GPATCH1: variants seen among roughly 807,000 people sequenced by gnomAD.
GPATCH1 encodes G-patch domain containing 1, also known as G patch domain-containing protein 1.
A neutral mutation model predicts 114.9 loss-of-function variants in GPATCH1; 73 were observed. That is an observed-to-expected ratio of 0.64 (90% CI 0.53 to 0.77). The LOEUF is 0.77. GPATCH1 is among the 30% of genes least tolerant of loss of function. GPATCH1 has a pLI of 0.00. For synonymous variants in GPATCH1, 391 were observed against 428.4 expected, an observed-to-expected ratio of 0.91 and a Z score of 1.08; for missense variants, 1,058 against 1,144.3, an observed-to-expected ratio of 0.92 and a Z score of 1.09.
intron 17 of GPATCH1, among the ~76,000 whole-genome samples, chr19:33,119,785 C>T (rs554697482): frequency 1.7e-4 from 26 of 150,934 alleles, no homozygotes; most frequent in Middle Eastern, 3.4e-3. Flanking sequence ...TTTGGGAGGG[C>T]GAGGTGGGAG....
chr19:33,082,206 G>A (rs1972486063), intron 1 of GPATCH1, among the ~76,000 whole-genome samples: 2 of 152,104 alleles, frequency 1.3e-5, no homozygotes, highest in Admixed American at 1.3e-4. Flanking sequence ...GGAATGTGGG[G>A]GTGAGGGGCA....
chr19:33,126,761 C>T (rs1973046713), intron 19 of GPATCH1, 28 bp downstream of exon 19: 1 of 1,568,022 alleles, frequency 6.4e-7, no homozygotes, highest in Middle Eastern at 1.7e-4. Flanking sequence ...GAGGGTTTTT[C>T]AGAAACCTTT....
chr19:33,113,783 T>A lies in GPATCH1; in HGVS notation c.1909T>A (p.Leu637Ile). The change falls in exon 14 of 20, where the codon TTA becomes ATA. Residue 637 changes from leucine (L) to isoleucine (I), a missense_variant. Leu to Ile is a conservative substitution (Grantham distance 5, BLOSUM62 2). Transcript: ENST00000170564. ...AATTCCCAGTTCAACTTTAGTTGGC[T>A]TACCAAGAGTGAAGCGTGACAAGTA... is the stretch of plus-strand genomic sequence containing the variant. ...DPYPDSTLVGLPRVKRDKYSV... is the reference protein window; with the variant it reads ...DPYPDSTLVGIPRVKRDKYSV... The A allele has an allele frequency of 1.9e-6, 3 of 1,613,800 alleles. No individual in the cohort carries two copies. The highest frequency in any genetic ancestry group is 2.5e-6 in the Non-Finnish European group (3 of 1,179,796).
chr19:33,086,697 C>G lies in GPATCH1; in HGVS notation c.74-1437C>G, dbSNP rs140837432. Among the ~76,000 whole-genome samples the G allele has an allele frequency of 7.5e-3, 1,139 of 152,256 alleles. 14 individuals are homozygous for G. Among genetic ancestry groups the G allele is most frequent in the African/African-American group, 0.026 (1,082 of 41,556 alleles). On this transcript the variant is annotated intron_variant, in intron 1 of 19. Coordinates refer to ENST00000170564, the MANE Select transcript of GPATCH1 (RefSeq NM_018025.3). ...TCTCAAACTCCTGACCTCAGGTGAT[C>G]CACCCGCCTCAGCCTCTCAAAGTGC...
Position 33,109,717 on chromosome 19 carries a change from G to A in GPATCH1, c.1286G>A (p.Gly429Asp). ...TCTTCTAATTACTGTTTTTATTTAG[G>A]TTCAGCTACTTCAGTGTTAGAATTT... is the stretch of plus-strand genomic sequence containing the variant. ...AELLGETPIQ[G>D]SATSVLEFLS... is the part of the protein sequence containing the mutation. Residue 429 changes from glycine to aspartate, a missense_variant and splice_region_variant, in exon 11 of 20, where the codon GGT (glycine) becomes GAT (aspartate). Physicochemically the swap from Gly to Asp is moderately conservative, Grantham distance 94. Coordinates refer to ENST00000170564, the MANE Select transcript of GPATCH1 (RefSeq NM_018025.3). 6.4e-7 allele frequency: 1 copy of A among 1,551,284 alleles called. No individual in the cohort carries two copies. The highest frequency in any genetic ancestry group is 2.3e-5 in the East Asian group (1 of 43,962).
intron 12 of GPATCH1, 86 bp from the exon 13 acceptor site, chr19:33,112,400 G>A: frequency 6.7e-7 from 1 of 1,496,356 alleles, no homozygotes; most frequent in African/African-American, 1.4e-5. Flanking sequence ...CACAGTTCTA[G>A]AAGATTGCTT....
Position 33,114,410 on chromosome 19 carries a change from C to G in GPATCH1, c.2187C>G (p.Ser729=), listed in dbSNP as rs148807065. 1.3e-6 allele frequency: 2 copies of G among 1,592,630 alleles called. No individual in the cohort carries two copies. Among genetic ancestry groups the G allele is most frequent in the Non-Finnish European group, 1.7e-6 (2 of 1,173,832 alleles). Residue 729 remains serine (S), a synonymous_variant, in exon 15 of 20, where the codon TCC becomes TCG. Transcript: ENST00000170564. ...NKEEEHAPEL[S]ANQTVNKDVD... ...AGGAAGAGCATGCACCAGAATTATCCGCAAATCAGGTATTTGGGGCTTCCA... is the reference window on the plus strand; with the variant it reads ...AGGAAGAGCATGCACCAGAATTATCGGCAAATCAGGTATTTGGGGCTTCCA...
chr19:33,086,467 AT>A (rs564648444), intron 1 of GPATCH1, among the ~76,000 whole-genome samples: 2 of 151,570 alleles, frequency 1.3e-5, no homozygotes, highest in African/African-American at 2.4e-5. Context: ...AAGATGACAA[AT>A]TTTTTTTCTT....
rs1972658663 is a variant in GPATCH1 at position 33,096,334 on chromosome 19, T to C, written c.740T>C (p.Leu247Pro). The change falls in exon 7 of 20, where the codon CTG becomes CCG. Residue 247 changes from leucine to proline, a missense_variant. Leu to Pro is a moderately conservative substitution (Grantham distance 98). Around this residue, in one of 3 missense-constraint regions of GPATCH1, gnomAD observed 893 missense variants for 977.4 expected, o/e 0.91. Coordinates refer to ENST00000170564, the MANE Select transcript of GPATCH1 (RefSeq NM_018025.3). ...AAGGGCCTGGATCCCCACCAGGCAC[T>C]GTTTGGAACTTCGGGAGAACATTTT... Reference protein sequence around the residue: ...AYKGLDPHQALFGTSGEHFNL... With the variant: ...AYKGLDPHQAPFGTSGEHFNL... The C allele has an allele frequency of 1.9e-6, 3 of 1,614,188 alleles. No homozygotes were observed. The highest frequency in any genetic ancestry group is 2.5e-6 in the Non-Finnish European group (3 of 1,180,028).
In GPATCH1 at chr19:33,094,108, C is replaced by CT. The variant is rs1972627753; in HGVS notation, c.456-62dup. 53 of 922,110 alleles carry CT rather than the reference C, an allele frequency of 5.7e-5. 1 individual carries two copies. In the South Asian group the frequency reaches 6.6e-4, roughly 11 times the overall value. 57.1% of individuals were successfully genotyped at this position (922,110 alleles called of 1,614,324 possible). On this transcript the variant is annotated intron_variant, in intron 4 of 19. Transcript: ENST00000170564. ...GAACTGAGCAGGAACTCAGAAGCCG[C>CT]TTATTTCATATTCTTTGTTAATGTT...
intron 2 of GPATCH1, among the ~76,000 whole-genome samples, 163 bp downstream of exon 2, chr19:33,088,431 G>A (rs111231494): frequency 9.6e-4 from 145 of 150,748 alleles, no homozygotes; most frequent in African/African-American, 3.3e-3. Context: ...TGCAACCTCC[G>A]CCTCCTGGAT....
rs922312432 is a variant in GPATCH1 at position 33,111,572 on chromosome 19, C to T, written c.1586-152C>T. 3 of 749,014 alleles carry T rather than the reference C, an allele frequency of 4.0e-6. No individual in the cohort carries two copies. In the African/African-American group the frequency reaches 5.3e-5, roughly 13 times the overall value. 46.4% of individuals were successfully genotyped at this position (749,014 alleles called of 1,614,324 possible). A position where few individuals can be genotyped will look rare whatever the true frequency, so the allele number is the denominator to read the frequency against. ...AATTTTGAAGGAAACAGCAATATTA[C>T]CTGCCAAATACCTCACCATTCCCAT... On this transcript the variant is annotated intron_variant, in intron 11 of 19. Transcript: ENST00000170564.
At position 33,117,098 on chromosome 19, in the gene GPATCH1, C is replaced by T. The variant is rs567548511; in HGVS notation, c.2197-727C>T. 2.8e-4 allele frequency among the ~76,000 whole-genome samples: 43 copies of T among 152,046 alleles called. No homozygotes were observed. In the East Asian group the frequency reaches 3.1e-3, roughly 11 times the overall value. ...GTGGTCCCAGCTACTCAAGGGGCTA[C>T]GGTTGGAGGATCACTTGAGCCCAGG... On this transcript the variant is annotated intron_variant, in intron 15 of 19. Coordinates refer to ENST00000170564, the MANE Select transcript of GPATCH1 (RefSeq NM_018025.3).
chr19:33,125,123 A>G lies in GPATCH1; in HGVS notation c.2540A>G (p.Glu847Gly). Residue 847 changes from glutamate (E) to glycine (G), a missense_variant, in exon 18 of 20, where the codon GAG becomes GGG. This residue lies in a region of GPATCH1 where 893 missense variants were observed against 977.4 expected (regional missense o/e 0.91). Coordinates refer to ENST00000170564, the MANE Select transcript of GPATCH1 (RefSeq NM_018025.3). ...GTTTCAGATGCTCGTCAGACACTTGAGGTTCCTCAAAAAGAGAAACATAAA... is the reference window on the plus strand; with the variant it reads ...GTTTCAGATGCTCGTCAGACACTTGGGGTTCCTCAAAAAGAGAAACATAAA... ...VFCPNARQTL[E>G]VPQKEKHKKN... The G allele has an allele frequency of 2.5e-6, 4 of 1,600,342 alleles. No homozygotes were observed. Among genetic ancestry groups the G allele is most frequent in the Non-Finnish European group, 3.4e-6 (4 of 1,173,172 alleles).
At position 33,090,787 on chromosome 19, in the gene GPATCH1, A is replaced by C; in HGVS notation, c.216A>C (p.Thr72=). The change falls in exon 3 of 20, where the codon ACA becomes ACC. Residue 72 remains threonine (T), a synonymous_variant. Coordinates refer to ENST00000170564, the MANE Select transcript of GPATCH1 (RefSeq NM_018025.3). The stretch of plus-strand genomic sequence containing the variant: ...AAACTCTTTTTTTTTCAGGATGGAC[A>C]CCCTCTACCTTTGTGTCTTCACGAC... The part of the protein sequence containing the change: ...FNTVGSKEGW[T]PSTFVSSRQN... 6.2e-7 allele frequency: 1 copy of C among 1,608,200 alleles called. No individual in the cohort carries two copies. The highest frequency in any genetic ancestry group is 8.5e-7 in the Non-Finnish European group (1 of 1,174,836).
chr19:33,126,700 C>T lies in GPATCH1; in HGVS notation c.2732C>T (p.Thr911Ile). 1.2e-6 allele frequency: 2 copies of T among 1,613,678 alleles called. No individual in the cohort carries two copies. Among genetic ancestry groups the T allele is most frequent in the Non-Finnish European group, 1.7e-6 (2 of 1,179,968 alleles). Residue 911 changes from threonine to isoleucine, a missense_variant, in exon 19 of 20, where the codon ACC becomes ATC. Around this residue, in one of 3 missense-constraint regions of GPATCH1, gnomAD observed 893 missense variants for 977.4 expected, o/e 0.91. Coordinates refer to ENST00000170564, the MANE Select transcript of GPATCH1 (RefSeq NM_018025.3). The part of the protein sequence containing the change: ...DSSDSQSDEE[T>I]ADVSPQELLR... ...AGCGACAGCCAGAGTGACGAGGAAA[C>T]CGCAGACGTGTCGCCCCAGGAGCTG...
intron 10 of GPATCH1, among the ~76,000 whole-genome samples, chr19:33,109,234 T>C (rs10423531): frequency 0.41 from 62,845 of 151,620 alleles, 16,457 homozygotes; most frequent in African/African-American, 0.73. Context: ...ACATAGGAAT[T>C]GGCCAGGCGT....
chr19:33,097,987 C>G, intron 8 of GPATCH1, 85 bp downstream of exon 8: 1 of 1,241,894 alleles, frequency 8.1e-7, no homozygotes, highest in East Asian at 2.3e-5. Context: ...ACAGGAGCAC[C>G]AGCCTCTGTT....
intron 10 of GPATCH1, among the ~76,000 whole-genome samples, chr19:33,107,313 T>C (rs1458755222): frequency 2.0e-5 from 3 of 152,160 alleles, no homozygotes; most frequent in Admixed American, 1.3e-4. Context: ...ACTTCTGGCT[T>C]CCCAAAGTGC....
Sources: gnomAD v4.1 joint callset for allele counts (sites outside exome capture counted in the v4.1 genomes callset) on GRCh38, gnomAD v4.1.1 for gene constraint, gnomAD v4.1.1 regional missense constraint, MANE v1.5 for transcripts, NCBI Gene and HGNC (gene_info 2026-07-23, HGNC 2026-07-21) for gene names.